Variants in CDH13 observed in about 807,000 individuals in gnomAD.
CDH13 encodes the protein cadherin 13, also known as cadherin-13.
A neutral mutation model predicts 63.8 loss-of-function variants in CDH13; 24 were observed. The observed-to-expected ratio is 0.38, with a 90% CI of 0.27 to 0.53. The LOEUF is 0.53. CDH13 is among the 20% of genes least tolerant of loss of function. CDH13 has a pLI of 0.85. For synonymous variants in CDH13, 503 were observed against 355.3 expected, an observed-to-expected ratio of 1.42 and a Z score of -4.67; for missense variants, 1,049 against 903.1, an observed-to-expected ratio of 1.16 and a Z score of -2.07.
chr16:83,373,841 G>T (rs1278198275), intron 6 of CDH13, among the ~76,000 whole-genome samples: 2 of 152,112 alleles, frequency 1.3e-5, no homozygotes, highest in Non-Finnish European at 2.9e-5. Flanking sequence ...GATCTGGAAG[G>T]CGTGAGTCCC....
chr16:83,534,075 T>C lies in CDH13; in HGVS notation c.960+47420T>C, dbSNP rs1175878984. Among the ~76,000 whole-genome samples, 3 of 152,200 alleles carry C rather than the reference T, an allele frequency of 2.0e-5. No homozygotes were observed. The East Asian group carries it at 5.8e-4, about 29-fold the overall frequency. ...GTATAAGGCACCACCTCTATCTATA[T>C]TCTCATCGCCCCCAAATGAAAACCG... On this transcript the variant is annotated intron_variant, in intron 7 of 13. Transcript: ENST00000567109.
intron 5 of CDH13, among the ~76,000 whole-genome samples, chr16:83,234,053 C>G (rs1391012995): frequency 6.6e-6 from 1 of 152,172 alleles, no homozygotes; most frequent in Non-Finnish European, 1.5e-5. Flanking sequence ...AGGGGTTCCC[C>G]TCTTCTGCTG....
At chr16:83,434,845 ATATGTGTGTGCGTG>A (rs753942935) in intron 6 of CDH13, among the ~76,000 whole-genome samples, 216 of 80,764 alleles carry the variant, frequency 2.7e-3, no homozygotes, top group African/African-American at 0.015. Flanking sequence ...AAATATATAT[ATATGTGTGTGCGTG>A]TGTGTGTGTG....
chr16:82,932,043 A>T (rs1430970385), intron 2 of CDH13, among the ~76,000 whole-genome samples: 1 of 152,108 alleles, frequency 6.6e-6, no homozygotes, highest in African/African-American at 2.4e-5. Context: ...GTGGGGGGAA[A>T]ATCACTGTAG....
chr16:83,582,304 A>G (rs75953118), intron 7 of CDH13, among the ~76,000 whole-genome samples: 1,763 of 152,112 alleles, frequency 0.012, 33 homozygotes, highest in African/African-American at 0.04. Flanking sequence ...CATCAGGCCC[A>G]TAAGACAATT....
chr16:82,765,992 C>G (rs2035041045), intron 1 of CDH13, among the ~76,000 whole-genome samples: 2 of 152,130 alleles, frequency 1.3e-5, no homozygotes, highest in African/African-American at 4.8e-5. Flanking sequence ...CCCCAAAGTC[C>G]AAGCTTAATA....
intron 7 of CDH13, among the ~76,000 whole-genome samples, chr16:83,517,150 C>G (rs2074715404): frequency 6.6e-6 from 1 of 152,184 alleles, no homozygotes; most frequent in South Asian, 2.1e-4. Context: ...TAAAAGGAAG[C>G]TCAACAGGGT....
chr16:82,912,033 C>G (rs992663693), intron 2 of CDH13, among the ~76,000 whole-genome samples: 2 of 152,018 alleles, frequency 1.3e-5, no homozygotes, highest in African/African-American at 4.8e-5. Flanking sequence ...CCTCAGAGCC[C>G]CAGCTCCCAC....
At chr16:82,721,531 G>T (rs760928375) in intron 1 of CDH13, among the ~76,000 whole-genome samples, 1 of 152,134 alleles carries the variant, frequency 6.6e-6, no homozygotes, top group African/African-American at 2.4e-5. Context: ...CACTGCTCAC[G>T]TAGGCAGGAA....
intron 2 of CDH13, among the ~76,000 whole-genome samples, chr16:82,895,647 T>C (rs545738600): frequency 6.6e-6 from 1 of 151,850 alleles, no homozygotes; most frequent in Non-Finnish European, 1.5e-5. Flanking sequence ...AGGTAGTAGA[T>C]GATGAAACAA....
intron 6 of CDH13, among the ~76,000 whole-genome samples, chr16:83,349,762 A>T (rs2090913183): frequency 6.6e-6 from 1 of 151,902 alleles, no homozygotes; most frequent in African/African-American, 2.4e-5. Context: ...CACCACGCCC[A>T]GCTAATTTTT....
intron 2 of CDH13, among the ~76,000 whole-genome samples, chr16:82,868,522 G>C (rs991946810): frequency 4.6e-5 from 7 of 152,136 alleles, no homozygotes; most frequent in African/African-American, 7.2e-5. Flanking sequence ...ATTGGACTTG[G>C]GTCCTAACTT....
At chr16:83,143,125 G>C (rs1467429300) in intron 4 of CDH13, among the ~76,000 whole-genome samples, 3 of 152,092 alleles carry the variant, frequency 2.0e-5, no homozygotes, top group African/African-American at 7.2e-5. Context: ...AAAGAGTTAA[G>C]GGCAGGCTGT....
chr16:83,385,769 C>A (rs149767050), intron 6 of CDH13, among the ~76,000 whole-genome samples: 2 of 152,126 alleles, frequency 1.3e-5, no homozygotes, highest in Non-Finnish European at 2.9e-5. Flanking sequence ...CTCACATTCA[C>A]CAAATGGAAT....
chr16:83,706,521 T>C (rs1364120), intron 10 of CDH13, among the ~76,000 whole-genome samples: 96,547 of 151,848 alleles, frequency 0.64, 31,243 homozygotes, highest in Middle Eastern at 0.75. Flanking sequence ...GATTCCAGCT[T>C]CATTGCTCAT....
At chr16:83,176,013 G>GT (rs1282863817) in intron 4 of CDH13, among the ~76,000 whole-genome samples, 28 of 148,652 alleles carry the variant, frequency 1.9e-4, no homozygotes, top group South Asian at 1.1e-3. Flanking sequence ...TTTTGTTTTT[G>GT]TTTTTGTTTT....
chr16:83,490,900 A>G (rs758383618), intron 7 of CDH13, among the ~76,000 whole-genome samples: 1 of 152,246 alleles, frequency 6.6e-6, no homozygotes, highest in South Asian at 2.1e-4. Flanking sequence ...CGCTTCTGGA[A>G]GAAAGGGACC....
At chr16:83,606,569 C>T (rs767536020) in intron 8 of CDH13, among the ~76,000 whole-genome samples, 4 of 151,430 alleles carry the variant, frequency 2.6e-5, no homozygotes, top group East Asian at 3.9e-4. Flanking sequence ...GAAACTCTGT[C>T]GCTACAAAAA....
rs551822917 is a variant in CDH13 at position 82,644,796 on chromosome 16, C to T, written c.45+17659C>T. Among the ~76,000 whole-genome samples, 2 of 152,120 alleles carry T rather than the reference C, an allele frequency of 1.3e-5. No homozygotes were observed. The highest frequency in any genetic ancestry group is 1.9e-4 in the East Asian group (1 of 5,184). On this transcript the variant is annotated intron_variant, in intron 1 of 13. Coordinates refer to ENST00000567109, the MANE Select transcript of CDH13 (RefSeq NM_001257.5). This position sits in a 1 kb window ranked among gnomAD's most constrained non-coding sequence, Gnocchi z 5.7. The stretch of plus-strand genomic sequence containing the variant: ...AGCAACAGGAGATCACGCAAAGCCA[C>T]GTAAGTGTCTGATTCAGTCCTCCCT...
Sources: allele counts gnomAD v4.1 joint callset (sites outside exome capture counted in the v4.1 genomes callset), GRCh38; gene constraint gnomAD v4.1.1; non-coding constraint Gnocchi (gnomAD v3.1); transcripts MANE v1.5; gene names NCBI Gene and HGNC (gene_info 2026-07-23, HGNC 2026-07-21).